The following CLPB variants were observed in gnomAD, a reference collection of about 807,000 sequenced individuals.
CLPB encodes mitochondrial disaggregase.
Under a neutral mutation model 78.4 loss-of-function variants are expected in CLPB, and 40 were observed. The observed-to-expected ratio is 0.51, with a 90% CI of 0.40 to 0.66. The LOEUF is 0.66. CLPB is among the 30% of genes least tolerant of loss of function. CLPB has a pLI of 0.00. For synonymous variants in CLPB, 333 were observed against 348.0 expected, an observed-to-expected ratio of 0.96 and a Z score of 0.48; for missense variants, 780 against 886.9, an observed-to-expected ratio of 0.88 and a Z score of 1.53.
intron 4 of CLPB, among the ~76,000 whole-genome samples, chr11:72,377,257 T>TCACA (rs2135669790): frequency 6.6e-6 from 1 of 152,334 alleles, no homozygotes; most frequent in Non-Finnish European, 1.5e-5. Flanking sequence ...CCTGACCATG[T>TCACA]GCTCTAGGAC....
chr11:72,409,871 G>A lies in CLPB; in HGVS notation c.456-6819C>T, dbSNP rs188982673. On this transcript the variant is annotated intron_variant, in intron 2 of 15. Coordinates refer to ENST00000538039, the MANE Select transcript of CLPB (RefSeq NM_001258392.3). ...GCACGCCTGTAATCCCAGCTACTCC[G>A]GAGGCTGAGGCAGGAGAATCGCTTG... is the stretch of plus-strand genomic sequence containing the variant. Among the ~76,000 whole-genome samples, 304 of 152,224 alleles carry A rather than the reference G, an allele frequency of 2.0e-3. 1 individual carries two copies. Among genetic ancestry groups the A allele is most frequent in the African/African-American group, 7.0e-3 (291 of 41,524 alleles).
intron 3 of CLPB, among the ~76,000 whole-genome samples, chr11:72,387,184 A>G (rs560499861): frequency 6.6e-6 from 1 of 152,356 alleles, no homozygotes; most frequent in African/African-American, 2.4e-5. Context: ...AAAATTAATA[A>G]GTAAATGGAG....
At chr11:72,301,654 G>T in intron 11 of CLPB, 149 bp downstream of exon 11, 1 of 871,004 alleles carries the variant, frequency 1.1e-6, no homozygotes, top group Non-Finnish European at 1.8e-6. Flanking sequence ...GAGGGGCTAA[G>T]TTGCACCTAC....
rs185136168 is a variant in CLPB, at chr11:72,295,400, C to A, written c.1486+92G>T. 1,228 of 1,412,734 alleles carry A rather than the reference C, an allele frequency of 8.7e-4. 12 individuals are homozygous for A. The African/African-American group carries it at 0.016, about 18-fold the overall frequency. 87.5% of individuals were successfully genotyped at this position (1,412,734 alleles called of 1,614,324 possible). A position where few individuals can be genotyped will look rare whatever the true frequency, so the allele number is the denominator to read the frequency against. ...GGACAGAGCTGCCCACTAGAACCTT[C>A]ACCTGGGCCCAGGGCCCCAATCCCA... On this transcript the variant is annotated intron_variant, in intron 12 of 15. Transcript: ENST00000538039.
intron 5 of CLPB, chr11:72,354,157 TG>T (rs1483798380): frequency 8.2e-6 from 3 of 365,102 alleles, no homozygotes; most frequent in Non-Finnish European, 1.4e-5. Context: ...ACCAAGATCC[TG>T]ACTCCAATAT....
At chr11:72,329,036 T>G (rs1373685931) in intron 6 of CLPB, among the ~76,000 whole-genome samples, 1 of 152,264 alleles carries the variant, frequency 6.6e-6, no homozygotes, top group Admixed American at 6.5e-5. Flanking sequence ...TTCCCATCAC[T>G]GGACTTGATT....
At chr11:72,370,981 T>C (rs1394624181) in intron 4 of CLPB, among the ~76,000 whole-genome samples, 2 of 152,222 alleles carry the variant, frequency 1.3e-5, no homozygotes, top group African/African-American at 2.4e-5. Flanking sequence ...CTCTCTAAGA[T>C]GAATCTTCTG....
At chr11:72,333,282 G>A (rs1195690920) in intron 5 of CLPB, among the ~76,000 whole-genome samples, 1 of 151,570 alleles carries the variant, frequency 6.6e-6, no homozygotes, top group African/African-American at 2.4e-5. Flanking sequence ...GTGTGTCTGT[G>A]GTCTTCCTAA....
In CLPB at chr11:72,434,147, T is replaced by C. The variant is rs773570139; in HGVS notation, c.328A>G (p.Arg110Gly). Reference protein sequence around the residue: ...GQDSWNGVPSRAGLGMCALAA... With the variant: ...GQDSWNGVPSGAGLGMCALAA... ...AGGGCGCACATGCCCAGTCCGGCCC[T>C]GCTGGGGACCCCGTTCCAGCTGTCC... The change falls in exon 1 of 16, where the codon AGG (arginine) becomes GGG (glycine). Residue 110 changes from arginine (R) to glycine (G), a missense_variant. By Grantham distance (125) the Arg-to-Gly change is moderately radical. Around this residue, in one of 3 missense-constraint regions of CLPB, gnomAD observed 417 missense variants for 414.7 expected, o/e 1.01. Transcript: ENST00000538039. 1.2e-6 allele frequency: 2 copies of C among 1,612,586 alleles called. No individual in the cohort carries two copies. The highest frequency in any genetic ancestry group is 3.3e-5 in the Admixed American group (2 of 60,000).
intron 5 of CLPB, among the ~76,000 whole-genome samples, chr11:72,345,417 G>A (rs1026761747): frequency 6.6e-6 from 1 of 152,190 alleles, no homozygotes; most frequent in Admixed American, 6.5e-5. Context: ...ACTGCAAAGC[G>A]ACATATACAG....
rs538043291 is a variant in CLPB, at chr11:72,369,854, C to T, written c.646+10427G>A. On this transcript the variant is annotated intron_variant, in intron 4 of 15. Coordinates refer to ENST00000538039, the MANE Select transcript of CLPB (RefSeq NM_001258392.3). ...CAGGGAGGGGCAGAATAATGAACTGCGTGCGTCAGGGAAGATGAATCTGAG... is the reference window on the plus strand; with the variant it reads ...CAGGGAGGGGCAGAATAATGAACTGTGTGCGTCAGGGAAGATGAATCTGAG... Among the ~76,000 whole-genome samples the T allele has an allele frequency of 4.6e-5, 7 of 152,152 alleles. No individual in the cohort carries two copies. In the South Asian group the frequency reaches 6.2e-4, roughly 14 times the overall value.
intron 5 of CLPB, among the ~76,000 whole-genome samples, chr11:72,331,559 T>C (rs1950226381): frequency 7.2e-6 from 1 of 139,154 alleles, no homozygotes; most frequent in South Asian, 2.3e-4. Flanking sequence ...CTACTTCTTC[T>C]TTTCTTTTCT....
chr11:72,403,167 A>C, intron 2 of CLPB, 115 bp from the exon 3 acceptor site: 1 of 956,084 alleles, frequency 1.0e-6, no homozygotes, highest in South Asian at 1.5e-5. Flanking sequence ...ATGGATGTAA[A>C]AGTAGAAACA....
intron 2 of CLPB, among the ~76,000 whole-genome samples, chr11:72,424,367 T>C (rs1856302432): frequency 6.6e-6 from 1 of 152,202 alleles, no homozygotes; most frequent in South Asian, 2.1e-4. Context: ...GCCTCACCCA[T>C]TATTTTCCTG....
At chr11:72,406,942 CT>C (rs1410130369) in intron 2 of CLPB, among the ~76,000 whole-genome samples, 1 of 152,034 alleles carries the variant, frequency 6.6e-6, no homozygotes, top group East Asian at 1.9e-4. Flanking sequence ...CTGCTTACAA[CT>C]TTTTTCACAG....
rs1224951024 is a variant in CLPB at position 72,404,823 on chromosome 11, C to T, written c.456-1771G>A. 5.3e-5 allele frequency among the ~76,000 whole-genome samples: 8 copies of T among 152,316 alleles called. No individual in the cohort carries two copies. In the South Asian group the frequency reaches 1.0e-3, roughly 20 times the overall value. On this transcript the variant is annotated intron_variant, in intron 2 of 15. Transcript: ENST00000538039. ...AAGAGTATTAAGAGAGGTTAGGAAA[C>T]ATTCCTTTCTTACCTCTAGTTTGGA...
At chr11:72,336,231 TAACAACAAC>T (rs974586068) in intron 5 of CLPB, among the ~76,000 whole-genome samples, 3 of 152,058 alleles carry the variant, frequency 2.0e-5, no homozygotes, top group African/African-American at 7.2e-5. Flanking sequence ...TAAGAGGGCT[TAACAACAAC>T]AACAATAACA....
chr11:72,359,019 A>G lies in CLPB; in HGVS notation c.647-11T>C. ...CTCGGGTGATCAGGACTGGGGAGACAGCAACACAAACCCTTCCATTAGCAA... is the reference window on the plus strand; with the variant it reads ...CTCGGGTGATCAGGACTGGGGAGACGGCAACACAAACCCTTCCATTAGCAA... On this transcript the variant is annotated splice_polypyrimidine_tract_variant and intron_variant, in intron 4 of 15. Transcript: ENST00000538039. The G allele has an allele frequency of 6.2e-7, 1 of 1,613,508 alleles. No individual in the cohort carries two copies. Among genetic ancestry groups the G allele is most frequent in the South Asian group, 1.1e-5 (1 of 91,042 alleles).
At chr11:72,402,307 C>T (rs1855586906) in intron 3 of CLPB, among the ~76,000 whole-genome samples, 1 of 152,124 alleles carries the variant, frequency 6.6e-6, no homozygotes, top group African/African-American at 2.4e-5. Flanking sequence ...GGCAGCCAGA[C>T]CAGGTTCTAA....
Sources: allele counts gnomAD v4.1 joint callset (sites outside exome capture counted in the v4.1 genomes callset), GRCh38; gene constraint gnomAD v4.1.1; regional missense constraint gnomAD v4.1.1; transcripts MANE v1.5; gene names NCBI Gene and HGNC (gene_info 2026-07-23, HGNC 2026-07-21).